RBL2: variants seen among roughly 807,000 people sequenced by gnomAD.
The protein encoded by RBL2 is retinoblastoma-like protein 2.
A neutral mutation model predicts 126.0 loss-of-function variants in RBL2; 56 were observed. That is an observed-to-expected ratio of 0.44 (90% CI 0.36 to 0.56). The LOEUF (loss-of-function observed/expected upper bound fraction) is 0.56. Among genes scored for constraint, RBL2 ranks in the 20% least tolerant of loss-of-function variants. The probability of loss-of-function intolerance (pLI) is 0.00; values close to 1 mark genes in which losing one functional copy is unlikely to be tolerated. For missense variants in RBL2, 1,229 were observed against 1,398.2 expected (o/e 0.88, Z 1.93); for synonymous variants, 454 against 478.5 (o/e 0.95, Z 0.67).
chr16:53,452,126 A>G (rs1947502111), intron 5 of RBL2, among the ~76,000 whole-genome samples: 1 of 152,208 alleles, frequency 6.6e-6, no homozygotes. Context: ...AAAGCCGATG[A>G]TGTTTTTCTA....
rs186296792 is a variant in RBL2 at position 53,465,809 on chromosome 16, T to C, written c.1863+207T>C. 3.7e-5 allele frequency: 15 copies of C among 406,034 alleles called. No individual in the cohort carries two copies. The Admixed American group carries it at 4.5e-4, about 12-fold the overall frequency. The allele number at this position is 406,034 out of a possible 1,614,324, so 25.2% of individuals were successfully genotyped here. The stretch of plus-strand genomic sequence containing the variant: ...AAAGAATGACTCAGACAAGTCCAGC[T>C]TGGTAAGTAGATAACGTTTATTAAG... On this transcript the variant is annotated intron_variant, in intron 13 of 21. Transcript: ENST00000262133.
chr16:53,451,790 A>C lies in RBL2; in HGVS notation c.725A>C (p.Gln242Pro), dbSNP rs2058117266. The C allele has an allele frequency of 6.2e-7, 1 of 1,613,722 alleles. No individual in the cohort carries two copies. Among genetic ancestry groups the C allele is most frequent in the Admixed American group, 1.7e-5 (1 of 60,002 alleles). The change falls in exon 5 of 22, where the codon CAG becomes CCG. Residue 242 changes from glutamine (Q) to proline (P), a missense_variant. Transcript: ENST00000262133. ...ALDLVYGNAL[Q>P]CSNRKELVNP... ...GACTTAGTTTATGGAAATGCACTTC[A>C]GTGTTCTAATCGTAAAGAACTTGTG...
intron 1 of RBL2, chr16:53,435,629 T>A: frequency 1.6e-6 from 2 of 1,282,886 alleles, no homozygotes; most frequent in South Asian, 1.2e-5. Flanking sequence ...GTTTATCAGC[T>A]GTTTGACTGT....
At chr16:53,453,256 G>T (rs535474366) in intron 5 of RBL2, among the ~76,000 whole-genome samples, 196 bp from the exon 6 acceptor site, 1 of 151,944 alleles carries the variant, frequency 6.6e-6, no homozygotes, top group Non-Finnish European at 1.5e-5. Context: ...GAAATCTTTC[G>T]AGTAATGATA....
In RBL2 at chr16:53,451,712, C is replaced by T; in HGVS notation, c.647C>T (p.Pro216Leu). 1 of 1,612,004 alleles carries T rather than the reference C, an allele frequency of 6.2e-7. No individual in the cohort carries two copies. Among genetic ancestry groups the T allele is most frequent in the Non-Finnish European group, 8.5e-7 (1 of 1,178,646 alleles). ...GCTTATAATCCTGCAGGTAATTTCC[C>T]CATGATTAGTGATGATTTGGTCAAT... Reference protein sequence around the residue: ...VLFIYAKGNFPMISDDLVNSY... With the variant: ...VLFIYAKGNFLMISDDLVNSY... The change falls in exon 5 of 22, where the codon CCC becomes CTC. Residue 216 changes from proline (P) to leucine (L), a missense_variant. Physicochemically the swap from Pro to Leu is moderately conservative, Grantham distance 98. Transcript: ENST00000262133.
At chr16:53,469,053 G>T in intron 14 of RBL2, among the ~76,000 whole-genome samples, 1 of 152,026 alleles carries the variant, frequency 6.6e-6, no homozygotes, top group East Asian at 1.9e-4. Flanking sequence ...AACATGGTGA[G>T]ACCTCATCTC....
In RBL2 at chr16:53,454,808, A is replaced by G. The variant is rs762242444; in HGVS notation, c.1145A>G (p.Gln382Arg). 3.1e-6 allele frequency: 5 copies of G among 1,613,644 alleles called. No homozygotes were observed. The East Asian group carries it at 1.1e-4, about 36-fold the overall frequency. The change falls in exon 8 of 22, where the codon CAG (glutamine) becomes CGG (arginine). Residue 382 changes from glutamine (Q) to arginine (R), a missense_variant. Coordinates refer to ENST00000262133, the MANE Select transcript of RBL2 (RefSeq NM_005611.4). ...GGAACAGAGACTGCTGAAAGGGTGC[A>G]GATGAAAAACATCTTACAGCAGCAT... ...GSGTETAERV[Q>R]MKNILQQHFD... is the part of the protein sequence containing the mutation.
intron 20 of RBL2, chr16:53,481,200 T>A (rs2150825846): frequency 5.7e-6 from 1 of 174,686 alleles, no homozygotes; most frequent in East Asian, 1.7e-4. Context: ...TAAGTAAAAC[T>A]GAGGAGGTCT....
chr16:53,474,983 C>A (rs1484982247), intron 17 of RBL2, among the ~76,000 whole-genome samples: 1 of 152,072 alleles, frequency 6.6e-6, no homozygotes, highest in East Asian at 1.9e-4. Context: ...CTGTTGAGAC[C>A]AGAGATTTTC....
At chr16:53,480,319 T>C in intron 19 of RBL2, 1 of 544,172 alleles carries the variant, frequency 1.8e-6, no homozygotes, top group Non-Finnish European at 3.3e-6. Context: ...AGTACAGGGC[T>C]TAGGTCCTAG....
Position 53,459,616 on chromosome 16 carries a change from A to T in RBL2, c.1345A>T (p.Arg449Trp). 1 of 1,545,636 alleles carries T rather than the reference A, an allele frequency of 6.5e-7. No individual in the cohort carries two copies. The highest frequency in any genetic ancestry group is 8.7e-7 in the Non-Finnish European group (1 of 1,149,382). Reference sequence around the variant, plus strand: ...AAGTGAGAAACTGGAACAGATTCTCAGGTTAGTTTGAGCCCTGTCTGCTTT... The same window carrying T: ...AAGTGAGAAACTGGAACAGATTCTCTGGTTAGTTTGAGCCCTGTCTGCTTT... ...APSEKLEQIL[R>W]TCSRDPTQAI... The change falls in exon 9 of 22, where the codon AGG becomes TGG. Residue 449 changes from arginine (R) to tryptophan (W), a missense_variant and splice_region_variant. By Grantham distance (101) the Arg-to-Trp change is moderately radical. Transcript: ENST00000262133.
chr16:53,473,752 A>G (rs1422298943), intron 17 of RBL2, among the ~76,000 whole-genome samples: 1 of 152,044 alleles, frequency 6.6e-6, no homozygotes, highest in African/African-American at 2.4e-5. Flanking sequence ...TTTCACTATT[A>G]AAGTATGATA....
chr16:53,483,825 T>C (rs569212129), intron 21 of RBL2, among the ~76,000 whole-genome samples: 1 of 151,466 alleles, frequency 6.6e-6, no homozygotes, highest in Admixed American at 6.6e-5. Flanking sequence ...TGCAGTGAGC[T>C]GAGATCGTGC....
chr16:53,481,704 G>T lies in RBL2; in HGVS notation c.3118G>T (p.Val1040Leu). 6.2e-7 allele frequency: 1 copy of T among 1,609,994 alleles called. No homozygotes were observed. Among genetic ancestry groups the T allele is most frequent in the Non-Finnish European group, 8.5e-7 (1 of 1,177,974 alleles). Reference sequence around the variant, plus strand: ...TCCTCCACTCTCTCCCTATCCATTTGTAAGAACAGGCTCCCCTCGCCGAAT... The same window carrying T: ...TCCTCCACTCTCTCCCTATCCATTTTTAAGAACAGGCTCCCCTCGCCGAAT... ...DAPPLSPYPF[V>L]RTGSPRRIQL... is the part of the protein sequence containing the mutation. The change falls in exon 21 of 22, where the codon GTA becomes TTA. Residue 1040 changes from valine (V) to leucine (L), a missense_variant. Val to Leu is a conservative substitution (Grantham distance 32). Transcript: ENST00000262133.
At chr16:53,452,757 C>T (rs2058127430) in intron 5 of RBL2, among the ~76,000 whole-genome samples, 1 of 152,050 alleles carries the variant, frequency 6.6e-6, no homozygotes, top group South Asian at 2.1e-4. Context: ...GCCTCAATCT[C>T]CTGGGCTCAG....
chr16:53,461,695 C>A, intron 9 of RBL2, 46 bp from the exon 10 acceptor site: 1 of 1,377,776 alleles, frequency 7.3e-7, no homozygotes, highest in Non-Finnish European at 9.9e-7. Context: ...CCCCTTGTGA[C>A]TTGACAAGAC....
chr16:53,461,188 C>A (rs1318867939), intron 9 of RBL2, among the ~76,000 whole-genome samples: 1 of 152,054 alleles, frequency 6.6e-6, no homozygotes, highest in Admixed American at 6.6e-5. Flanking sequence ...TGCTAAACTT[C>A]CTGCACTGAA....
intron 17 of RBL2, among the ~76,000 whole-genome samples, chr16:53,473,339 T>C (rs1960594337): frequency 6.7e-6 from 1 of 150,270 alleles, no homozygotes; most frequent in African/African-American, 2.4e-5. Flanking sequence ...TTTTTCCATT[T>C]ATTTAGATCT....
intron 4 of RBL2, 32 bp downstream of exon 4, chr16:53,447,138 A>G (rs1315003330): frequency 8.7e-7 from 1 of 1,150,132 alleles, no homozygotes; most frequent in Non-Finnish European, 1.3e-6. Flanking sequence ...TTTAGATTTA[A>G]TATGTCTATT....
Sources: gnomAD v4.1 joint callset for allele counts (sites outside exome capture counted in the v4.1 genomes callset) on GRCh38, gnomAD v4.1.1 for gene constraint, MANE v1.5 for transcripts, NCBI Gene and HGNC (gene_info 2026-07-23, HGNC 2026-07-21) for gene names.